NPHP1: variants seen among roughly 807,000 people sequenced by gnomAD.
NPHP1 encodes nephrocystin-1.
Under a neutral mutation model 90.4 loss-of-function variants are expected in NPHP1, and 70 were observed. The ratio of observed to expected loss-of-function variants is 0.77; its 90% CI spans 0.64 to 0.95. NPHP1 has a LOEUF of 0.95. NPHP1 is among the 40% of genes least tolerant of loss of function. NPHP1 has a pLI of 0.00. For synonymous variants in NPHP1, 256 were observed against 271.7 expected (o/e 0.94, Z 0.57); for missense variants, 764 against 795.9 (o/e 0.96, Z 0.48).
rs777013624 is a variant in NPHP1, at chr2:110,201,445, T to C, written c.119A>G (p.Asn40Ser). Reference sequence around the variant, plus strand: ...CCTTTGATAAATATGTTGTCTTTTATTGGGTTCTAGAGCTTCTTTCAGTTG... The same window carrying C: ...CCTTTGATAAATATGTTGTCTTTTACTGGGTTCTAGAGCTTCTTTCAGTTG... ...ESQLKEALEPNKRQHIYQRCI... is the reference protein window; with the variant it reads ...ESQLKEALEPSKRQHIYQRCI... Residue 40 changes from asparagine (N) to serine (S), a missense_variant, in exon 2 of 20, where the codon AAT becomes AGT. Coordinates refer to ENST00000445609, the MANE Select transcript of NPHP1 (RefSeq NM_001128178.3). 9 of 1,609,874 alleles carry C rather than the reference T, an allele frequency of 5.6e-6. No homozygotes were observed. Among genetic ancestry groups the C allele is most frequent in the South Asian group, 4.4e-5 (4 of 90,798 alleles).
At chr2:110,162,791 G>A (rs148970287) in intron 9 of NPHP1, among the ~76,000 whole-genome samples, 11 of 152,144 alleles carry the variant, frequency 7.2e-5, no homozygotes, top group African/African-American at 2.6e-4. Context: ...ACACAGGAAA[G>A]GGCTGAAAAT....
chr2:110,196,072 A>C (rs1329488103), intron 2 of NPHP1, among the ~76,000 whole-genome samples: 2 of 152,080 alleles, frequency 1.3e-5, no homozygotes, highest in Non-Finnish European at 2.9e-5. Context: ...CCTAGGCATT[A>C]CCATTCAGGA....
chr2:110,149,134 A>C (rs1046212848), intron 12 of NPHP1, among the ~76,000 whole-genome samples: 1 of 152,170 alleles, frequency 6.6e-6, no homozygotes, highest in African/African-American at 2.4e-5. Context: ...TTAGGGTTCC[A>C]TAAGTAGATG....
At chr2:110,159,419 T>C (rs1263593406) in intron 11 of NPHP1, among the ~76,000 whole-genome samples, 2 of 152,012 alleles carry the variant, frequency 1.3e-5, no homozygotes, top group Admixed American at 6.5e-5. Flanking sequence ...GAAGTTTTCT[T>C]TGTGGCAAGA....
intron 17 of NPHP1, among the ~76,000 whole-genome samples, chr2:110,129,460 C>T (rs560443418): frequency 6.6e-6 from 1 of 152,290 alleles, no homozygotes; most frequent in African/African-American, 2.4e-5. Flanking sequence ...CTGGTGAGTT[C>T]CTGTACCAAA....
At chr2:110,162,259 A>G (rs945766502) in intron 9 of NPHP1, among the ~76,000 whole-genome samples, 11 of 152,164 alleles carry the variant, frequency 7.2e-5, no homozygotes, top group Non-Finnish European at 1.5e-4. Context: ...TTCTTAGAAA[A>G]TAAGTAGACA....
intron 4 of NPHP1, 112 bp downstream of exon 4, chr2:110,178,311 T>C: frequency 9.9e-7 from 1 of 1,013,182 alleles, no homozygotes; most frequent in Admixed American, 1.8e-5. Context: ...CTGATTCTAT[T>C]GTTAGTGTCA....
At chr2:110,143,925 G>A (rs1680829168) in intron 15 of NPHP1, 2 of 399,106 alleles carry the variant, frequency 5.0e-6, no homozygotes, top group South Asian at 4.7e-5. Context: ...ACTCCTTTCT[G>A]TTCCAAGAAG....
intron 11 of NPHP1, among the ~76,000 whole-genome samples, chr2:110,156,024 C>T (rs796703366): frequency 5.3e-5 from 8 of 151,126 alleles, no homozygotes; most frequent in African/African-American, 1.5e-4. Context: ...TCTCACATGT[C>T]GTGGGAGGAA....
intron 4 of NPHP1, among the ~76,000 whole-genome samples, chr2:110,174,762 G>C (rs1683395970): frequency 6.6e-6 from 1 of 151,182 alleles, no homozygotes; most frequent in Middle Eastern, 3.2e-3. Flanking sequence ...CTCTCATACA[G>C]GAAAGTGTCC....
At chr2:110,159,870 C>G (rs983883570) in intron 11 of NPHP1, among the ~76,000 whole-genome samples, 1 of 151,928 alleles carries the variant, frequency 6.6e-6, no homozygotes, top group Non-Finnish European at 1.5e-5. Context: ...TCTTGATTTG[C>G]TAGCTTAGAT....
At chr2:110,195,021 G>A (rs1685054172) in intron 2 of NPHP1, among the ~76,000 whole-genome samples, 3 of 152,060 alleles carry the variant, frequency 2.0e-5, no homozygotes, top group African/African-American at 7.2e-5. Context: ...AATAATAACA[G>A]CTATCTAAGA....
intron 2 of NPHP1, chr2:110,184,067 C>T (rs575235031): frequency 6.0e-5 from 31 of 519,812 alleles, no homozygotes; most frequent in Middle Eastern, 4.6e-4. Flanking sequence ...TGGAGTCTTA[C>T]GATACAATCA....
At chr2:110,188,116 T>C (rs1371992508) in intron 2 of NPHP1, among the ~76,000 whole-genome samples, 2 of 152,150 alleles carry the variant, frequency 1.3e-5, no homozygotes, top group Admixed American at 6.5e-5. Flanking sequence ...AAGACAAGGA[T>C]GCCCTCCCTC....
chr2:110,199,164 C>T (rs762645604), intron 2 of NPHP1, among the ~76,000 whole-genome samples: 48 of 152,126 alleles, frequency 3.2e-4, no homozygotes, highest in African/African-American at 1.1e-3. Flanking sequence ...TGGCCAGGCA[C>T]GGTGGCTCAC....
At chr2:110,138,066 A>G (rs994779851) in intron 16 of NPHP1, among the ~76,000 whole-genome samples, 7 of 152,032 alleles carry the variant, frequency 4.6e-5, no homozygotes, top group African/African-American at 1.7e-4. Flanking sequence ...TCAGCAAACT[A>G]TCGCAAGACA....
intron 2 of NPHP1, 115 bp downstream of exon 2, chr2:110,201,305 CA>C: frequency 2.6e-6 from 2 of 775,518 alleles, no homozygotes; most frequent in Non-Finnish European, 2.2e-6. Context: ...ATTCAACTTA[CA>C]ACACTATGTG....
At position 110,189,867 on chromosome 2, in the gene NPHP1, C is replaced by T. The variant is rs373943913; in HGVS notation, c.144-10183G>A. 5.3e-5 allele frequency among the ~76,000 whole-genome samples: 8 copies of T among 152,032 alleles called. No homozygotes were observed. In the South Asian group the frequency reaches 1.2e-3, roughly 24 times the overall value. On this transcript the variant is annotated intron_variant, in intron 2 of 19. Transcript: ENST00000445609. ...AGTGTCGATGGGTGCATTCACAAAC[C>T]CTGAGTTAGACACAGGGTGCTGATT...
At chr2:110,162,005 C>T (rs748984108) in intron 9 of NPHP1, among the ~76,000 whole-genome samples, 1 of 152,038 alleles carries the variant, frequency 6.6e-6, no homozygotes, top group African/African-American at 2.4e-5. Flanking sequence ...AATCTATGAG[C>T]ACTTTTTGGA....
Sources: gnomAD v4.1 joint callset for allele counts (sites outside exome capture counted in the v4.1 genomes callset) on GRCh38, gnomAD v4.1.1 for gene constraint, MANE v1.5 for transcripts, NCBI Gene and HGNC (gene_info 2026-07-23, HGNC 2026-07-21) for gene names.